Variants in PDE4C observed in about 807,000 individuals in gnomAD.
PDE4C encodes the protein phosphodiesterase 4C, also known as 3',5'-cyclic-AMP phosphodiesterase 4C.
In PDE4C, 50 loss-of-function variants were observed where a neutral mutation model predicts 63.9. That is an observed-to-expected ratio of 0.78 (90% CI 0.62 to 0.99). PDE4C has a LOEUF of 0.99. Ranked by LOEUF, PDE4C falls within the 50% of genes least tolerant of loss-of-function variation. The probability of loss-of-function intolerance (pLI) is 0.00; values close to 1 mark genes in which losing one functional copy is unlikely to be tolerated. For missense variants in PDE4C, 777 were observed against 899.1 expected, an observed-to-expected ratio of 0.86 and a Z score of 1.74; for synonymous variants, 377 against 385.1, an observed-to-expected ratio of 0.98 and a Z score of 0.25.
chr19:18,233,637 C>T, exon 1 of PDE4C: 1 of 406,304 alleles, frequency 2.5e-6, no homozygotes, highest in Non-Finnish European at 4.8e-6. Context: ...AGACGGTGTC[C>T]CTCGCACCGT....
At chr19:18,251,178 T>C (rs915841267), upstream of PDE4C, among the ~76,000 whole-genome samples, 1 of 151,654 alleles carries the variant, frequency 6.6e-6, no homozygotes, top group African/African-American at 2.4e-5. Context: ...CAGGCTGGAG[T>C]GCAGTGGTTC....
intron 13 of PDE4C, 93 bp downstream of exon 13, chr19:18,213,275 C>A: frequency 8.5e-7 from 1 of 1,174,728 alleles, no homozygotes; most frequent in Non-Finnish European, 1.1e-6. Context: ...CAGAGTGAGA[C>A]TCCGTCTCAA....
exon 1 of PDE4C, chr19:18,226,298 G>A: frequency 1.3e-6 from 2 of 1,569,704 alleles, no homozygotes; most frequent in Admixed American, 1.8e-5. Context: ...GTGAAGCGCC[G>A]CTGCAGGCGG....
chr19:18,235,009 A>T (rs1054333436), upstream of PDE4C, among the ~76,000 whole-genome samples: 6 of 152,014 alleles, frequency 3.9e-5, no homozygotes, highest in African/African-American at 9.7e-5. Context: ...TCTTTTTTTA[A>T]AATATTCTGG....
intron 1 of PDE4C, among the ~76,000 whole-genome samples, chr19:18,223,862 TAG>T (rs1968602009): frequency 6.6e-6 from 1 of 152,166 alleles, no homozygotes. Context: ...CGCCTTAGTC[TAG>T]AGAGACCCCA....
chr19:18,255,144 G>A, the PDE4C span: 3 of 397,706 alleles, frequency 7.5e-6, no homozygotes, highest in East Asian at 7.1e-5. This position sits in a 1 kb window ranked among gnomAD's most constrained non-coding sequence, Gnocchi z 4.6. Flanking sequence ...CAGAAGCCAG[G>A]TGTGTGACTG....
intron 1 of PDE4C, among the ~76,000 whole-genome samples, chr19:18,222,677 CTCTCT>C (rs1968541987): frequency 8.9e-6 from 1 of 112,502 alleles, no homozygotes; most frequent in Admixed American, 9.3e-5. Flanking sequence ...CTCTCTCTCT[CTCTCT>C]CTCTCGCCCT....
chr19:18,218,776 T>C (rs557622349), intron 9 of PDE4C, among the ~76,000 whole-genome samples, 164 bp downstream of exon 9: 29 of 152,282 alleles, frequency 1.9e-4, no homozygotes, highest in Non-Finnish European at 4.0e-4. Flanking sequence ...AACAAACTGT[T>C]CATCTGAGTG....
chr19:18,211,877 C>A, exon 14 of PDE4C: 1 of 1,614,218 alleles, frequency 6.2e-7, no homozygotes, highest in Non-Finnish European at 8.5e-7. Flanking sequence ...CGTCCACTGG[C>A]GGTACAGGGG....
At chr19:18,250,335 C>G, upstream of PDE4C, 1 of 399,150 alleles carries the variant, frequency 2.5e-6, no homozygotes, top group Non-Finnish European at 4.4e-6. Context: ...TCCAGGTTCT[C>G]AAACTTGGAC....
At chr19:18,218,660 T>C (rs1176897423) in intron 9 of PDE4C, among the ~76,000 whole-genome samples, 162 bp from the exon 10 acceptor site, 3 of 152,238 alleles carry the variant, frequency 2.0e-5, no homozygotes, top group Non-Finnish European at 4.4e-5. Context: ...TATTTGGTGG[T>C]CCATCCCTGA....
chr19:18,223,868 G>C (rs1242287066), intron 1 of PDE4C, among the ~76,000 whole-genome samples: 7 of 152,172 alleles, frequency 4.6e-5, no homozygotes, highest in South Asian at 2.1e-4. Flanking sequence ...AGTCTAGAGA[G>C]ACCCCACTCC....
chr19:18,252,385 C>T (rs187864355), upstream of PDE4C: 1 of 399,142 alleles, frequency 2.5e-6, no homozygotes, highest in East Asian at 3.6e-5. Flanking sequence ...GGGGGTTCCC[C>T]TGAACTGTGG....
intron 1 of PDE4C, among the ~76,000 whole-genome samples, chr19:18,224,767 C>T (rs1044868673): frequency 2.6e-5 from 4 of 152,256 alleles, no homozygotes; most frequent in African/African-American, 9.6e-5. Context: ...CCGGGATGAA[C>T]CCCACGGCCA....
intron 12 of PDE4C, among the ~76,000 whole-genome samples, chr19:18,213,738 G>A (rs1968072704): frequency 6.6e-6 from 1 of 152,170 alleles, no homozygotes; most frequent in Non-Finnish European, 1.5e-5. Context: ...GTGTAGTGGG[G>A]AGGTGATCAA....
chr19:18,250,064 A>C (rs1969213964), upstream of PDE4C: 1 of 398,586 alleles, frequency 2.5e-6, no homozygotes, highest in African/African-American at 2.1e-5. Flanking sequence ...TTATTTCCTC[A>C]GGTTCTGCTC....
chr19:18,226,188 C>A, intron 1 of PDE4C, 82 bp downstream of exon 1: 1 of 1,198,282 alleles, frequency 8.3e-7, no homozygotes, highest in African/African-American at 1.5e-5. Context: ...CCAGCTGTCC[C>A]TGGCCTTGTC....
chr19:18,221,058 C>CCCGCCCACA, intron 4 of PDE4C, 47 bp downstream of exon 4: 1 of 1,221,610 alleles, frequency 8.2e-7, no homozygotes, highest in Admixed American at 2.1e-5. Flanking sequence ...TTCCGCCCAC[C>CCCGCCCACA]TTGTCTCTGC....
rs548347355 is a variant in PDE4C at position 18,239,951 on chromosome 19, A to G, written c.-209-6551T>C. Among the ~76,000 whole-genome samples the G allele has an allele frequency of 1.1e-3, 166 of 151,918 alleles. 1 individual carries two copies. Among genetic ancestry groups the G allele is most frequent in the African/African-American group, 3.8e-3 (157 of 41,512 alleles). On this transcript the variant is annotated intron_variant, in intron 1 of 15. Coordinates refer to the PDE4C transcript ENST00000594617. ...TGAGGAAGCAGAATTGCTTGAACCC[A>G]GGGGGTAGAGGTTGCAGTGGAAAGA...
Sources: allele counts gnomAD v4.1 joint callset (sites outside exome capture counted in the v4.1 genomes callset), GRCh38; gene constraint gnomAD v4.1.1; non-coding constraint Gnocchi (gnomAD v3.1); transcripts MANE v1.5; gene names NCBI Gene and HGNC (gene_info 2026-07-23, HGNC 2026-07-21).